KLHL32: variants seen among roughly 807,000 people sequenced by gnomAD.
KLHL32 encodes kelch like family member 32, also known as kelch-like protein 32.
In KLHL32, 35 loss-of-function variants were observed where a neutral mutation model predicts 64.8. The observed-to-expected ratio is 0.54, with a 90% CI of 0.41 to 0.72. The LOEUF (loss-of-function observed/expected upper bound fraction) is 0.72. KLHL32 is among the 30% of genes least tolerant of loss of function. The probability of loss-of-function intolerance (pLI) is 0.00; values close to 1 mark genes in which losing one functional copy is unlikely to be tolerated. For missense variants in KLHL32, 589 were observed against 768.5 expected, an observed-to-expected ratio of 0.77 and a Z score of 2.76; for synonymous variants, 259 against 281.0, an observed-to-expected ratio of 0.92 and a Z score of 0.78.
chr6:96,906,595 G>A, the KLHL32 span, among the ~76,000 whole-genome samples: 4 of 152,144 alleles, frequency 2.6e-5, no homozygotes, highest in Non-Finnish European at 5.9e-5. Flanking sequence ...TCATCCATGT[G>A]GGAGGTTAAG....
At chr6:97,116,790 A>T (rs1797845462) in intron 7 of KLHL32, among the ~76,000 whole-genome samples, 1 of 152,086 alleles carries the variant, frequency 6.6e-6, no homozygotes, top group African/African-American at 2.4e-5. Flanking sequence ...TTCCTTTTCC[A>T]TTTTATTAAA....
chr6:97,056,664 A>G (rs1277905895), intron 4 of KLHL32, among the ~76,000 whole-genome samples: 2 of 152,172 alleles, frequency 1.3e-5, no homozygotes, highest in African/African-American at 4.8e-5. Flanking sequence ...CCCAGCCCCT[A>G]CCTATACTCT....
intron 4 of KLHL32, among the ~76,000 whole-genome samples, chr6:97,060,667 A>G (rs1366560771): frequency 1.3e-5 from 2 of 152,146 alleles, no homozygotes; most frequent in Admixed American, 6.5e-5. Context: ...CCTGTCTGCT[A>G]CCAACCCTGC....
At chr6:97,089,705 G>C (rs189460088) in intron 6 of KLHL32, among the ~76,000 whole-genome samples, 1 of 151,454 alleles carries the variant, frequency 6.6e-6, no homozygotes, top group East Asian at 2.0e-4. Flanking sequence ...CAGTTGAAGC[G>C]AGAGGCAGAG....
chr6:97,004,178 T>C (rs1052697749), intron 3 of KLHL32, among the ~76,000 whole-genome samples: 2 of 152,186 alleles, frequency 1.3e-5, no homozygotes, highest in African/African-American at 4.8e-5. Flanking sequence ...GTAAATCTTG[T>C]AGAGATCTTT....
At chr6:96,942,633 A>G (rs1479408805) in intron 1 of KLHL32, among the ~76,000 whole-genome samples, 1 of 149,904 alleles carries the variant, frequency 6.7e-6, no homozygotes, top group Non-Finnish European at 1.5e-5. Context: ...AATCAGTAAC[A>G]GTGACTTGCT....
intron 2 of KLHL32, among the ~76,000 whole-genome samples, chr6:96,970,555 T>G (rs1775000147): frequency 6.6e-6 from 1 of 152,208 alleles, no homozygotes. Flanking sequence ...ACTGCCCTAC[T>G]ACACTGAATG....
intron 6 of KLHL32, among the ~76,000 whole-genome samples, chr6:97,098,919 T>G (rs1279974188): frequency 6.6e-6 from 1 of 152,246 alleles, no homozygotes; most frequent in African/African-American, 2.4e-5. Context: ...TCAATAGTTT[T>G]TGCTATTAGA....
chr6:96,997,575 C>G (rs1244653279), intron 3 of KLHL32, among the ~76,000 whole-genome samples: 2 of 150,814 alleles, frequency 1.3e-5, no homozygotes, highest in Admixed American at 1.3e-4. Flanking sequence ...TAGTGAGACC[C>G]TGTCTCTATA....
chr6:96,972,189 T>C (rs1775187228), intron 2 of KLHL32, among the ~76,000 whole-genome samples: 1 of 152,228 alleles, frequency 6.6e-6, no homozygotes, highest in Non-Finnish European at 1.5e-5. Flanking sequence ...ATATATTTTA[T>C]TTAACCCAAC....
intron 3 of KLHL32, among the ~76,000 whole-genome samples, chr6:96,988,801 G>T (rs1261425093): frequency 6.6e-6 from 1 of 152,168 alleles, no homozygotes; most frequent in Non-Finnish European, 1.5e-5. Flanking sequence ...CATGTCCTTT[G>T]TAGGGACATG....
chr6:97,100,975 T>TTTTTTTC (rs1311422305), intron 6 of KLHL32, among the ~76,000 whole-genome samples: 1 of 138,318 alleles, frequency 7.2e-6, no homozygotes, highest in Admixed American at 7.1e-5. Flanking sequence ...GCTTTTTTTT[T>TTTTTTTC]TTTTTTTTTT....
chr6:97,019,960 T>G (rs1253518745), intron 3 of KLHL32, among the ~76,000 whole-genome samples: 2 of 150,508 alleles, frequency 1.3e-5, no homozygotes, highest in Non-Finnish European at 3.0e-5. Flanking sequence ...TTTTTTTTTT[T>G]TTTTTGAGAC....
chr6:97,070,327 T>C (rs1790509536), intron 5 of KLHL32, among the ~76,000 whole-genome samples: 1 of 152,226 alleles, frequency 6.6e-6, no homozygotes, highest in Admixed American at 6.5e-5. Context: ...TAGTAATTAT[T>C]TGTTCTAATC....
chr6:97,083,587 C>G (rs1792925636), intron 5 of KLHL32, among the ~76,000 whole-genome samples: 1 of 152,070 alleles, frequency 6.6e-6, no homozygotes, highest in Non-Finnish European at 1.5e-5. Flanking sequence ...CAACTATTCT[C>G]TTTTTTCAAC....
rs761966335 is a variant in KLHL32 at position 97,132,719 on chromosome 6, G to T, written c.1673G>T (p.Trp558Leu). 1 of 1,612,738 alleles carries T rather than the reference G, an allele frequency of 6.2e-7. No homozygotes were observed. Among genetic ancestry groups the T allele is most frequent in the Admixed American group, 1.7e-5 (1 of 59,932 alleles). ...RIYLVGGYSIWTNEPLACIQV... is the reference protein window; with the variant it reads ...RIYLVGGYSILTNEPLACIQV... ...TATTTAGTTGGTGGATATTCAATTT[G>T]GACAAATGAGCCTCTGGCTTGTATC... Residue 558 changes from tryptophan to leucine, a missense_variant, in exon 10 of 11, where the codon TGG becomes TTG. Trp to Leu is a moderately conservative substitution (Grantham distance 61, BLOSUM62 -2). Transcript: ENST00000369261.
In KLHL32 at chr6:97,111,036, G is replaced by GA. The variant is rs1554243654; in HGVS notation, c.628-2747_628-2746insA. Among the ~76,000 whole-genome samples the GA allele has an allele frequency of 7.9e-4, 119 of 150,808 alleles. 2 individuals are homozygous for GA. The highest frequency in any genetic ancestry group is 2.7e-3 in the African/African-American group (111 of 40,500). On this transcript the variant is annotated intron_variant, in intron 6 of 10. Coordinates refer to ENST00000369261, the MANE Select transcript of KLHL32 (RefSeq NM_052904.4). Reference sequence around the variant, plus strand: ...AGATACCACAGAAAAGTCTTGGGGGGGGGGGGTCTTAGCCAACCACCTGTT... The same window carrying GA: ...AGATACCACAGAAAAGTCTTGGGGGGAGGGGGGTCTTAGCCAACCACCTGTT...
the KLHL32 span, among the ~76,000 whole-genome samples, chr6:96,900,688 C>A: frequency 1.3e-5 from 2 of 152,218 alleles, no homozygotes; most frequent in East Asian, 1.9e-4. Flanking sequence ...AATTCAACAG[C>A]ATTCTGCGTT....
chr6:97,064,580 AT>A (rs1168065013), intron 4 of KLHL32, 47 bp from the exon 5 acceptor site: 1 of 1,365,194 alleles, frequency 7.3e-7, no homozygotes, highest in Non-Finnish European at 1.0e-6. Context: ...GCAGCATTAT[AT>A]TTTTAAGTGT....
Sources: gnomAD v4.1 joint callset for allele counts (sites outside exome capture counted in the v4.1 genomes callset) on GRCh38, gnomAD v4.1.1 for gene constraint, MANE v1.5 for transcripts, NCBI Gene and HGNC (gene_info 2026-07-23, HGNC 2026-07-21) for gene names.